Variants in GUCY2F observed in about 807,000 individuals in gnomAD.
GUCY2F encodes the protein guanylate cyclase 2F, retinal.
A neutral mutation model predicts 73.1 loss-of-function variants in GUCY2F; 61 were observed. The observed-to-expected ratio is 0.83, with a 90% confidence interval of 0.68 to 1.03. The LOEUF is 1.03. Among genes scored for constraint, GUCY2F ranks in the 50% least tolerant of loss-of-function variants. The pLI, the probability that GUCY2F is intolerant of heterozygous loss-of-function variation, is 0.00. For synonymous variants in GUCY2F, 331 were observed against 307.8 expected (o/e 1.08, Z -0.79); for missense variants, 912 against 854.3 (o/e 1.07, Z -0.84).
intron 10 of GUCY2F, among the ~76,000 whole-genome samples, chrX:109,402,872 G>C (rs1045601272): frequency 8.9e-6 from 1 of 111,772 alleles, no homozygotes; most frequent in Non-Finnish European, 1.9e-5. Flanking sequence ...GTCTTATAAA[G>C]TCCAGATACC....
chrX:109,445,281 A>G (rs1931974602), intron 6 of GUCY2F, among the ~76,000 whole-genome samples: 1 of 112,245 alleles, frequency 8.9e-6, no homozygotes, highest in South Asian at 3.7e-4. Flanking sequence ...CCAAACCTTC[A>G]CAAGCACCTA....
chrX:109,403,123 A>C (rs113100419), intron 10 of GUCY2F, among the ~76,000 whole-genome samples: 5 of 111,393 alleles, frequency 4.5e-5, no homozygotes, highest in African/African-American at 1.6e-4. Context: ...TATTGGTTAA[A>C]ACATTTAATG....
intron 8 of GUCY2F, among the ~76,000 whole-genome samples, chrX:109,418,749 A>G (rs1931301161): frequency 9.0e-6 from 1 of 111,396 alleles, no homozygotes; most frequent in African/African-American, 3.2e-5. Context: ...AATAATAACA[A>G]TAAGAGCAGA....
intron 3 of GUCY2F, among the ~76,000 whole-genome samples, chrX:109,463,526 C>T (rs776759692): frequency 9.4e-6 from 1 of 106,586 alleles, no homozygotes; most frequent in African/African-American, 3.5e-5. Context: ...CAAGCTCTGC[C>T]TCCTGGGTTC....
intron 2 of GUCY2F, among the ~76,000 whole-genome samples, chrX:109,472,255 G>A (rs1227802800): frequency 4.8e-5 from 5 of 104,172 alleles, no homozygotes; most frequent in African/African-American, 1.5e-4. Context: ...CACTGCTTTT[G>A]CGAACAGATC....
At chrX:109,407,154 A>G (rs752923399) in intron 9 of GUCY2F, among the ~76,000 whole-genome samples, 22 of 112,203 alleles carry the variant, frequency 2.0e-4, no homozygotes, top group Non-Finnish European at 3.2e-4. Context: ...TCATAGTGAG[A>G]TGAACAATAA....
intron 6 of GUCY2F, among the ~76,000 whole-genome samples, chrX:109,447,617 G>T (rs1436532887): frequency 8.7e-5 from 7 of 80,377 alleles, no homozygotes; most frequent in Non-Finnish European, 1.4e-4. Flanking sequence ...ACACACCGGG[G>T]CCTGTCGTGG....
At position 109,430,267 on chromosome X, in the gene GUCY2F, T is replaced by C. The variant is rs373952196; in HGVS notation, c.1791+40A>G. The C allele has an allele frequency of 4.2e-6, 3 of 707,143 alleles. No homozygotes were observed. In the African/African-American group the frequency reaches 6.3e-5, roughly 15 times the overall value. 58.3% of individuals were successfully genotyped at this position (707,143 alleles called of 1,213,427 possible). A position where few individuals can be genotyped will look rare whatever the true frequency, so the allele number is the denominator to read the frequency against. ...TGTTAGTTACTTTGGAGAACAGATT[T>C]ATTTTAGTGGGAATTTACATAAACG... On this transcript the variant is annotated intron_variant, in intron 8 of 19. Transcript: ENST00000218006.
chrX:109,438,881 ACT>A (rs1414318535), intron 7 of GUCY2F, among the ~76,000 whole-genome samples: 1 of 111,768 alleles, frequency 8.9e-6, no homozygotes, highest in African/African-American at 3.3e-5. Context: ...CCTAGTGAGG[ACT>A]CTTTGCGGTG....
chrX:109,478,044 G>T (rs1017401294), intron 1 of GUCY2F, among the ~76,000 whole-genome samples: 1 of 112,001 alleles, frequency 8.9e-6, no homozygotes, highest in African/African-American at 3.3e-5. Context: ...TTTGGGGACA[G>T]TGGAAAGATG....
intron 17 of GUCY2F, among the ~76,000 whole-genome samples, chrX:109,381,364 G>A (rs1268880443): frequency 9.0e-6 from 1 of 111,653 alleles, no homozygotes; most frequent in African/African-American, 3.3e-5. Flanking sequence ...TCAGTTGACT[G>A]TGTGACCCTG....
At chrX:109,479,160 G>T (rs1466402394) in intron 1 of GUCY2F, among the ~76,000 whole-genome samples, 2 of 111,793 alleles carry the variant, frequency 1.8e-5, no homozygotes, top group Non-Finnish European at 1.9e-5. Flanking sequence ...GGGAGCACCA[G>T]TTCCACTGTA....
chrX:109,481,697 T>C (rs517473), intron 1 of GUCY2F, among the ~76,000 whole-genome samples, 169 bp downstream of exon 1: 31,643 of 109,546 alleles, frequency 0.29, 3,719 homozygotes, highest in Non-Finnish European at 0.36. Flanking sequence ...TCTCGAAGGC[T>C]CTCTTTAACC....
Position 109,452,068 on chromosome X carries a change from A to G in GUCY2F, c.1427T>C (p.Leu476Ser). 8.8e-7 allele frequency: 1 copy of G among 1,134,455 alleles called. No homozygotes were observed. The highest frequency in any genetic ancestry group is 1.2e-6 in the Non-Finnish European group (1 of 825,017). 93.5% of individuals were successfully genotyped at this position (1,134,455 alleles called of 1,213,427 possible). A position where few individuals can be genotyped will look rare whatever the true frequency, so the allele number is the denominator to read the frequency against. Residue 476 changes from leucine to serine, a missense_variant, in exon 5 of 20, where the codon TTG (leucine) becomes TCG (serine). Physicochemically the swap from Leu to Ser is moderately radical, Grantham distance 145 (BLOSUM62 -2). Transcript: ENST00000218006. ...PAFAMMVCLT[L>S]LIALLSINGF... is the part of the protein sequence containing the mutation. ...ATTAATAGACAGCAGGGCTATAAGC[A>G]AAGTAAGGCAGACCATCATGGCAAA...
chrX:109,383,077 C>T (rs918093518), intron 16 of GUCY2F, among the ~76,000 whole-genome samples: 2 of 111,148 alleles, frequency 1.8e-5, no homozygotes, highest in South Asian at 3.9e-4. Flanking sequence ...GAAGGCATGG[C>T]GGGAGAGAAC....
At chrX:109,460,548 T>C (rs774505468) in intron 3 of GUCY2F, among the ~76,000 whole-genome samples, 74 of 111,571 alleles carry the variant, frequency 6.6e-4, no homozygotes, top group Non-Finnish European at 1.2e-3. Flanking sequence ...ATAGTGAAGA[T>C]GAAATAATGA....
chrX:109,425,650 GA>G (rs1372236745), intron 8 of GUCY2F, among the ~76,000 whole-genome samples: 2 of 107,288 alleles, frequency 1.9e-5, no homozygotes, highest in African/African-American at 6.8e-5. Flanking sequence ...GGACTCGGGG[GA>G]AAGGGTGGGA....
intron 7 of GUCY2F, among the ~76,000 whole-genome samples, chrX:109,439,432 A>C (rs973809783): frequency 9.0e-6 from 1 of 111,302 alleles, no homozygotes; most frequent in Non-Finnish European, 1.9e-5. Context: ...TCTCCTTATC[A>C]AACTTTTTTT....
chrX:109,476,788 T>C (rs1932707780), intron 1 of GUCY2F, among the ~76,000 whole-genome samples: 1 of 109,633 alleles, frequency 9.1e-6, no homozygotes, highest in Admixed American at 9.8e-5. Context: ...ACTATATATA[T>C]ATGTGTGTGT....
Sources: allele counts gnomAD v4.1 joint callset (sites outside exome capture counted in the v4.1 genomes callset), GRCh38; gene constraint gnomAD v4.1.1; transcripts MANE v1.5; gene names NCBI Gene and HGNC (gene_info 2026-07-23, HGNC 2026-07-21).